ANO1: variants seen among roughly 807,000 people sequenced by gnomAD.
The protein encoded by ANO1 is anoctamin 1, also known as anoctamin-1.
Under a neutral mutation model 124.0 loss-of-function variants are expected in ANO1, and 59 were observed. That is an observed-to-expected ratio of 0.48 (90% CI 0.39 to 0.59). The LOEUF is 0.59. Ranked by LOEUF, ANO1 falls within the 20% of genes least tolerant of loss-of-function variation. ANO1 has a pLI of 0.00. For missense variants in ANO1, 1,059 were observed against 1,328.0 expected (o/e 0.80, Z 3.15); for synonymous variants, 529 against 532.0 (o/e 0.99, Z 0.08).
chr11:70,118,615 T>C (rs963864611), intron 8 of ANO1, among the ~76,000 whole-genome samples: 30 of 123,372 alleles, frequency 2.4e-4, no homozygotes, highest in Non-Finnish European at 4.4e-4. Flanking sequence ...GATGGATGGA[T>C]AGATTATGGA....
intron 1 of ANO1, among the ~76,000 whole-genome samples, chr11:70,051,060 T>C (rs1857342896): frequency 6.6e-6 from 1 of 152,134 alleles, no homozygotes; most frequent in Non-Finnish European, 1.5e-5. Flanking sequence ...AGTGTACAGA[T>C]CATAATTTTA....
chr11:70,095,288 G>A (rs1411982807), intron 2 of ANO1, among the ~76,000 whole-genome samples: 2 of 98,624 alleles, frequency 2.0e-5, no homozygotes, highest in African/African-American at 4.1e-5. Flanking sequence ...AGGAAGGAAG[G>A]AAGGAAGGAA....
intron 11 of ANO1, among the ~76,000 whole-genome samples, chr11:70,148,181 G>A (rs1190375532): frequency 6.6e-6 from 1 of 152,030 alleles, no homozygotes; most frequent in Non-Finnish European, 1.5e-5. Flanking sequence ...AATTCACTCT[G>A]CACGGTCACC....
intron 1 of ANO1, among the ~76,000 whole-genome samples, chr11:69,986,424 T>C (rs1554996879): frequency 6.6e-6 from 1 of 151,784 alleles, no homozygotes; most frequent in African/African-American, 2.4e-5. Flanking sequence ...GCCCCGGGGC[T>C]GGGCTGGGGC....
chr11:70,062,063 C>CTTTTTTTTTTTTTTTTTTTTT (rs1857593075), intron 1 of ANO1, among the ~76,000 whole-genome samples: 6 of 76,700 alleles, frequency 7.8e-5, no homozygotes, highest in African/African-American at 4.2e-5. Flanking sequence ...CTCTTTCCTT[C>CTTTTTTTTTTTTTTTTTTTTT]TTTCTTTTTT....
chr11:70,095,406 GAAA>G (rs2044888356), intron 2 of ANO1, among the ~76,000 whole-genome samples: 1 of 50,662 alleles, frequency 2.0e-5, no homozygotes, highest in Non-Finnish European at 4.9e-5. Flanking sequence ...AAGAAAGAAA[GAAA>G]GAAAGAAAGA....
At chr11:70,068,289 T>C (rs1242721412) in intron 1 of ANO1, among the ~76,000 whole-genome samples, 2 of 152,320 alleles carry the variant, frequency 1.3e-5, no homozygotes, top group African/African-American at 2.4e-5. Flanking sequence ...CGGGTAAAAA[T>C]TGACCTGTGG....
At chr11:70,036,531 A>G (rs1298546051) in intron 1 of ANO1, among the ~76,000 whole-genome samples, 20 of 152,118 alleles carry the variant, frequency 1.3e-4, no homozygotes, top group African/African-American at 4.6e-4. Context: ...AATAAAGACA[A>G]AAAGGGCTGA....
intron 11 of ANO1, among the ~76,000 whole-genome samples, chr11:70,133,637 C>T (rs2046845508): frequency 6.6e-6 from 1 of 152,364 alleles, no homozygotes; most frequent in Non-Finnish European, 1.5e-5. Context: ...AGCCTCCTCC[C>T]CTGCTCCGGA....
chr11:70,040,931 C>T (rs1450703171), intron 1 of ANO1, among the ~76,000 whole-genome samples: 1 of 152,176 alleles, frequency 6.6e-6, no homozygotes, highest in East Asian at 1.9e-4. Context: ...TCAAGTTGAA[C>T]AAAGAACTTT....
intron 1 of ANO1, among the ~76,000 whole-genome samples, chr11:70,051,105 G>A (rs1857343496): frequency 1.3e-5 from 2 of 152,104 alleles, no homozygotes. Flanking sequence ...GAATGTATCT[G>A]ATGATTACCA....
intron 4 of ANO1, 97 bp downstream of exon 4, chr11:70,104,247 A>G: frequency 2.2e-6 from 3 of 1,368,324 alleles, no homozygotes; most frequent in Admixed American, 2.7e-5. Context: ...TGTCCCCCAA[A>G]GAAGAGCGTG....
intron 1 of ANO1, among the ~76,000 whole-genome samples, chr11:70,007,408 C>G (rs1856513768): frequency 1.3e-5 from 2 of 151,886 alleles, no homozygotes; most frequent in South Asian, 4.2e-4. Context: ...TCCCGAGTAG[C>G]TGGGACTACA....
chr11:70,186,387 G>GAAGA (rs2049127141), intron 25 of ANO1, among the ~76,000 whole-genome samples: 1 of 141,858 alleles, frequency 7.0e-6, no homozygotes, highest in Non-Finnish European at 1.6e-5. Flanking sequence ...AGGAAGGAAG[G>GAAGA]AAGGAAGGAA....
intron 1 of ANO1, among the ~76,000 whole-genome samples, chr11:70,026,117 A>G (rs1290322648): frequency 7.2e-6 from 1 of 139,432 alleles, no homozygotes; most frequent in Non-Finnish European, 1.5e-5. Context: ...GGTGATGATG[A>G]CGATGGTGCT....
intron 1 of ANO1, among the ~76,000 whole-genome samples, chr11:69,999,978 A>G (rs1334242051): frequency 6.6e-6 from 1 of 152,136 alleles, no homozygotes; most frequent in East Asian, 1.9e-4. Context: ...CACGGCCCAT[A>G]CTGCTTTATT....
At chr11:70,086,517 G>A (rs2044391864) in intron 1 of ANO1, among the ~76,000 whole-genome samples, 1 of 152,204 alleles carries the variant, frequency 6.6e-6, no homozygotes, top group Admixed American at 6.5e-5. Context: ...CCCACCAGCG[G>A]TGCCCATCCA....
chr11:70,180,974 G>A (rs1443835232), intron 23 of ANO1, among the ~76,000 whole-genome samples: 3 of 152,122 alleles, frequency 2.0e-5, no homozygotes, highest in Non-Finnish European at 1.5e-5. Flanking sequence ...CAGGCCTGCA[G>A]GCTAGGATGG....
chr11:70,121,167 G>A (rs1424355924), intron 8 of ANO1, among the ~76,000 whole-genome samples: 5 of 144,462 alleles, frequency 3.5e-5, no homozygotes, highest in African/African-American at 9.7e-5. Flanking sequence ...TCCCTGTCTC[G>A]CTCCCTCCCT....
Sources: gnomAD v4.1 joint callset for allele counts (sites outside exome capture counted in the v4.1 genomes callset) on GRCh38, gnomAD v4.1.1 for gene constraint, MANE v1.5 for transcripts, NCBI Gene and HGNC (gene_info 2026-07-23, HGNC 2026-07-21) for gene names.